SMS: variants seen among roughly 807,000 people sequenced by gnomAD.
The protein encoded by SMS is spermine synthase.
A neutral mutation model predicts 33.0 loss-of-function variants in SMS; 3 were observed. That is an observed-to-expected ratio of 0.09 (90% CI 0.04 to 0.23). SMS has a LOEUF of 0.23. Ranked by LOEUF, SMS falls within the 10% of genes least tolerant of loss-of-function variation. The pLI, the probability that SMS is intolerant of heterozygous loss-of-function variation, is 1.00. For missense variants in SMS, 117 were observed against 288.6 expected (o/e 0.41, Z 4.31); for synonymous variants, 103 against 112.2 (o/e 0.92, Z 0.52).
At chrX:21,941,567 G>C (rs1185059392) in intron 1 of SMS, among the ~76,000 whole-genome samples, 2 of 110,385 alleles carry the variant, frequency 1.8e-5, no homozygotes, top group Non-Finnish European at 3.8e-5. Flanking sequence ...CGCGGGAATC[G>C]TTTACACCCC....
At chrX:21,946,850 C>CCCTG (rs1922272078) in intron 1 of SMS, among the ~76,000 whole-genome samples, 1 of 112,093 alleles carries the variant, frequency 8.9e-6, no homozygotes, top group African/African-American at 3.2e-5. Context: ...AGCAAAATTT[C>CCCTG]CCTGGTCCTT....
chrX:21,966,789 T>A lies in SMS; in HGVS notation c.50-407T>A, dbSNP rs1183918059. 6.2e-5 allele frequency among the ~76,000 whole-genome samples: 7 copies of A among 112,319 alleles called. No homozygotes were observed. In the South Asian group the frequency reaches 1.8e-3, roughly 29 times the overall value. On this transcript the variant is annotated intron_variant, in intron 1 of 10. Coordinates refer to ENST00000404933, the MANE Select transcript of SMS (RefSeq NM_004595.5). ...CTAGTACCATGTGTCCTCATTAATTTATTTAACCTGAAGTGGAATCTCATT... is the reference window on the plus strand; with the variant it reads ...CTAGTACCATGTGTCCTCATTAATTAATTTAACCTGAAGTGGAATCTCATT...
chrX:21,946,242 G>C (rs1169783392), intron 1 of SMS, among the ~76,000 whole-genome samples: 1 of 112,577 alleles, frequency 8.9e-6, no homozygotes, highest in Non-Finnish European at 1.9e-5. Flanking sequence ...AGGCTGGGGA[G>C]GGGGAGGACT....
At chrX:21,967,854 C>T (rs1018425702) in intron 2 of SMS, among the ~76,000 whole-genome samples, 2 of 112,477 alleles carry the variant, frequency 1.8e-5, no homozygotes, top group African/African-American at 3.2e-5. Context: ...CTCCTGCAAG[C>T]GGTAGGTCAA....
intron 1 of SMS, among the ~76,000 whole-genome samples, chrX:21,950,609 C>G (rs1329070333): frequency 9.3e-6 from 1 of 108,098 alleles, no homozygotes; most frequent in African/African-American, 3.4e-5. Flanking sequence ...CCCCCACCCC[C>G]TGACAGGCCC....
chrX:21,945,601 C>A (rs930136661), intron 1 of SMS, among the ~76,000 whole-genome samples: 11 of 107,116 alleles, frequency 1.0e-4, no homozygotes, highest in Admixed American at 1.0e-3. Context: ...AAACCCCCAC[C>A]GTGTGGTATG....
intron 1 of SMS, among the ~76,000 whole-genome samples, chrX:21,944,546 G>GA (rs57596639): frequency 5.4e-4 from 36 of 66,645 alleles, no homozygotes; most frequent in South Asian, 3.4e-3. Context: ...AAAAAAAAAA[G>GA]AAAAAAAATT....
intron 1 of SMS, among the ~76,000 whole-genome samples, chrX:21,956,028 G>T (rs1265259835): frequency 8.9e-6 from 1 of 112,289 alleles, no homozygotes; most frequent in Non-Finnish European, 1.9e-5. Flanking sequence ...CTCCCTTGCA[G>T]TGGGAATGAC....
rs551635405 is a variant in SMS at position 21,988,393 on chromosome X, C to T, written c.945+3170C>T. ...GAACTGGAGTCAGGTTGGCCGGGTGCGGTGGCTCACGCCTGTAATCCCAGC... is the reference window on the plus strand; with the variant it reads ...GAACTGGAGTCAGGTTGGCCGGGTGTGGTGGCTCACGCCTGTAATCCCAGC... On this transcript the variant is annotated intron_variant, in intron 9 of 10. Transcript: ENST00000404933. 4.9e-3 allele frequency among the ~76,000 whole-genome samples: 542 copies of T among 110,731 alleles called. 2 individuals are homozygous for T. Among genetic ancestry groups the T allele is most frequent in the South Asian group, 0.037 (99 of 2,648 alleles).
intron 9 of SMS, among the ~76,000 whole-genome samples, chrX:21,990,072 C>T (rs1013047504): frequency 8.9e-5 from 10 of 111,909 alleles, no homozygotes; most frequent in African/African-American, 2.9e-4. Flanking sequence ...AAGGACTGCC[C>T]GTAAGCCCAA....
At chrX:21,948,199 G>A (rs1922365860) in intron 1 of SMS, among the ~76,000 whole-genome samples, 1 of 111,250 alleles carries the variant, frequency 9.0e-6, no homozygotes, top group African/African-American at 3.3e-5. Context: ...ACCTATGGAG[G>A]TAGCATATGG....
chrX:21,940,765 C>T lies in SMS; in HGVS notation c.-60C>T, dbSNP rs1921690139. 3.2e-6 allele frequency: 3 copies of T among 951,314 alleles called. No individual in the cohort carries two copies. The highest frequency in any genetic ancestry group is 5.7e-5 in the Admixed American group (2 of 35,040). The allele number at this position is 951,314 out of a possible 1,213,427, so 78.4% of individuals were successfully genotyped here. On this transcript the variant is annotated 5_prime_UTR_variant, in exon 1 of 11. Transcript: ENST00000404933. Reference sequence around the variant, plus strand: ...CAGCCGGCCGCAGCCTGACACGCCGCGCGGCCCCCCAGTCTCCCGCGGCTG... The same window carrying T: ...CAGCCGGCCGCAGCCTGACACGCCGTGCGGCCCCCCAGTCTCCCGCGGCTG...
At chrX:21,970,272 GC>G (rs1195313729) in intron 2 of SMS, among the ~76,000 whole-genome samples, 1 of 110,969 alleles carries the variant, frequency 9.0e-6, no homozygotes, top group African/African-American at 3.3e-5. Flanking sequence ...TCTATTCCCT[GC>G]CCCCGGACCC....
At chrX:21,987,835 G>A (rs927859716) in intron 9 of SMS, among the ~76,000 whole-genome samples, 10 of 112,216 alleles carry the variant, frequency 8.9e-5, no homozygotes, top group African/African-American at 1.3e-4. Flanking sequence ...CAGCCGAGTG[G>A]CTGTTCTTCT....
intron 7 of SMS, among the ~76,000 whole-genome samples, chrX:21,980,427 A>ATATATAT (rs1556001645): frequency 9.1e-5 from 7 of 77,253 alleles, no homozygotes; most frequent in African/African-American, 2.7e-4. Context: ...AAAAAAAAAA[A>ATATATAT]AAATATATAT....
chrX:21,945,229 T>C (rs1047304795), intron 1 of SMS, among the ~76,000 whole-genome samples: 8 of 111,773 alleles, frequency 7.2e-5, no homozygotes, highest in African/African-American at 2.3e-4. Flanking sequence ...GTTTATGTTA[T>C]GGTAAAGGTG....
intron 1 of SMS, among the ~76,000 whole-genome samples, chrX:21,944,863 C>T (rs1430274207): frequency 2.7e-5 from 3 of 111,249 alleles, no homozygotes; most frequent in Non-Finnish European, 3.8e-5. Context: ...TCTGTAGTCC[C>T]AGCTACTCTG....
At chrX:21,951,807 A>G (rs1922623888) in intron 1 of SMS, among the ~76,000 whole-genome samples, 1 of 109,766 alleles carries the variant, frequency 9.1e-6, no homozygotes, top group African/African-American at 3.3e-5. Context: ...TTCTTTGAAC[A>G]AAGGGTCTGG....
chrX:21,982,562 C>T (rs987445882), intron 7 of SMS, among the ~76,000 whole-genome samples: 4 of 111,903 alleles, frequency 3.6e-5, no homozygotes, highest in Non-Finnish European at 5.6e-5. Flanking sequence ...GAGCACACAG[C>T]CCACAGTTAA....
Sources: allele counts gnomAD v4.1 joint callset (sites outside exome capture counted in the v4.1 genomes callset), GRCh38; gene constraint gnomAD v4.1.1; transcripts MANE v1.5; gene names NCBI Gene and HGNC (gene_info 2026-07-23, HGNC 2026-07-21).